Variants in RBFOX1 observed in about 807,000 individuals in gnomAD.
RBFOX1 encodes the protein RNA binding protein fox-1 homolog 1.
In RBFOX1, 8 loss-of-function variants were observed where a neutral mutation model predicts 57.7. The ratio of observed to expected loss-of-function variants is 0.14; its 90% CI spans 0.08 to 0.25. The LOEUF (loss-of-function observed/expected upper bound fraction) is 0.25. RBFOX1 is among the 10% of genes least tolerant of loss of function. RBFOX1 has a pLI of 1.00. For missense variants in RBFOX1, 611 were observed against 548.5 expected, an observed-to-expected ratio of 1.11 and a Z score of -1.14; for synonymous variants, 326 against 222.4, an observed-to-expected ratio of 1.47 and a Z score of -4.15.
intron 3 of RBFOX1, among the ~76,000 whole-genome samples, chr16:6,859,541 T>C (rs2058642218): frequency 6.6e-6 from 1 of 152,042 alleles, no homozygotes; most frequent in Non-Finnish European, 1.5e-5. Context: ...TGAGTGGTTT[T>C]TATGCTGCCT....
At chr16:7,575,928 A>C (rs1467060718) in intron 5 of RBFOX1, among the ~76,000 whole-genome samples, 1 of 151,804 alleles carries the variant, frequency 6.6e-6, no homozygotes, top group African/African-American at 2.4e-5. Context: ...TAGTACCATT[A>C]GTGTCCTTTT....
At chr16:6,510,043 G>A (rs992614772) in intron 2 of RBFOX1, among the ~76,000 whole-genome samples, 1 of 152,130 alleles carries the variant, frequency 6.6e-6, no homozygotes, top group Non-Finnish European at 1.5e-5. Context: ...GATTGAAGCA[G>A]CTTCATATCA....
intron 1 of RBFOX1, among the ~76,000 whole-genome samples, chr16:6,224,853 C>G (rs555521512): frequency 1.9e-4 from 29 of 152,010 alleles, no homozygotes; most frequent in African/African-American, 6.5e-4. Flanking sequence ...AACCCCATCT[C>G]TATTTAATAC....
At chr16:6,223,332 TC>T (rs1477619152) in intron 1 of RBFOX1, among the ~76,000 whole-genome samples, 1 of 149,994 alleles carries the variant, frequency 6.7e-6, no homozygotes, top group Non-Finnish European at 1.5e-5. Context: ...GTAAAAGTGT[TC>T]CTATTTCTCC....
intron 2 of RBFOX1, among the ~76,000 whole-genome samples, chr16:5,543,336 A>G (rs2045045649): frequency 6.6e-6 from 1 of 152,204 alleles, no homozygotes; most frequent in South Asian, 2.1e-4. Context: ...ATGGAAGACA[A>G]AAAAAGACCC....
intron 1 of RBFOX1, among the ~76,000 whole-genome samples, chr16:6,256,887 C>A (rs1479016611): frequency 6.6e-6 from 1 of 152,052 alleles, no homozygotes; most frequent in Non-Finnish European, 1.5e-5. Flanking sequence ...AAACCAGAAG[C>A]AAGAGGACCC....
At chr16:5,279,496 AT>A (rs201125233) in intron 1 of RBFOX1, among the ~76,000 whole-genome samples, 1 of 138,718 alleles carries the variant, frequency 7.2e-6, no homozygotes, top group Non-Finnish European at 1.6e-5. Context: ...TTTTAAAAAA[AT>A]TTTTTTTTAT....
intron 3 of RBFOX1, among the ~76,000 whole-genome samples, chr16:5,797,078 G>C (rs575538123): frequency 6.6e-6 from 1 of 152,304 alleles, no homozygotes; most frequent in African/African-American, 2.4e-5. Flanking sequence ...ATCAAGACTG[G>C]TAGATGGGGA....
chr16:6,364,014 C>T (rs75110114), intron 2 of RBFOX1, among the ~76,000 whole-genome samples: 10,294 of 152,166 alleles, frequency 0.068, 434 homozygotes, highest in Non-Finnish European at 0.088. Context: ...AAGGCTTCTC[C>T]GTGTTTTCAA....
At chr16:6,955,193 A>G (rs2081519260) in intron 3 of RBFOX1, among the ~76,000 whole-genome samples, 1 of 152,146 alleles carries the variant, frequency 6.6e-6, no homozygotes, top group South Asian at 2.1e-4. Context: ...GTGAACTGAG[A>G]TGGCACCACT....
chr16:7,267,957 A>T (rs62014001), intron 4 of RBFOX1, among the ~76,000 whole-genome samples: 22,754 of 152,220 alleles, frequency 0.15, 2,199 homozygotes, highest in Middle Eastern at 0.25. Flanking sequence ...GCTCTGAGAA[A>T]CAAATCGTTA....
At chr16:5,498,688 C>G (rs1190757508) in intron 2 of RBFOX1, among the ~76,000 whole-genome samples, 1 of 152,206 alleles carries the variant, frequency 6.6e-6, no homozygotes, top group Non-Finnish European at 1.5e-5. Context: ...GAGATGGATA[C>G]TCACACATCA....
At chr16:6,897,146 C>G (rs2067136820) in intron 3 of RBFOX1, among the ~76,000 whole-genome samples, 4 of 152,252 alleles carry the variant, frequency 2.6e-5, no homozygotes, top group Admixed American at 2.6e-4. Flanking sequence ...AAATAACTTG[C>G]CCAAGCTGAC....
chr16:5,868,927 C>G (rs1375971446), intron 4 of RBFOX1, among the ~76,000 whole-genome samples: 1 of 152,124 alleles, frequency 6.6e-6, no homozygotes, highest in East Asian at 1.9e-4. Flanking sequence ...CTCTGATGCA[C>G]CATTTATTTA....
intron 2 of RBFOX1, among the ~76,000 whole-genome samples, chr16:5,535,046 G>A (rs2044641503): frequency 6.6e-6 from 1 of 152,162 alleles, no homozygotes. Flanking sequence ...TATCCTCATG[G>A]GGCTTAGATC....
chr16:7,116,907 G>C (rs1047584745), intron 4 of RBFOX1, among the ~76,000 whole-genome samples: 3 of 152,152 alleles, frequency 2.0e-5, no homozygotes, highest in Admixed American at 2.0e-4. Context: ...ATGTGTGCTA[G>C]GGAGAGGAAG....
intron 3 of RBFOX1, among the ~76,000 whole-genome samples, chr16:5,824,723 C>T (rs2055976345): frequency 6.6e-6 from 1 of 152,248 alleles, no homozygotes; most frequent in African/African-American, 2.4e-5. Flanking sequence ...TCCCACGCTG[C>T]AGGCTCAGAC....
chr16:6,145,047 C>G (rs554488138), intron 1 of RBFOX1, among the ~76,000 whole-genome samples: 2 of 151,014 alleles, frequency 1.3e-5, no homozygotes, highest in African/African-American at 4.9e-5. Flanking sequence ...TTTTTTTTAA[C>G]TTTAAAGTTC....
chr16:7,136,426 T>TTTTTTTG (rs2071988885), intron 4 of RBFOX1, among the ~76,000 whole-genome samples: 1 of 122,856 alleles, frequency 8.1e-6, no homozygotes, highest in African/African-American at 2.9e-5. Flanking sequence ...TTTTTTTTTT[T>TTTTTTTG]GACAGGGTCT....
Sources: gnomAD v4.1 joint callset for allele counts (sites outside exome capture counted in the v4.1 genomes callset) on GRCh38, gnomAD v4.1.1 for gene constraint, MANE v1.5 for transcripts, NCBI Gene and HGNC (gene_info 2026-07-23, HGNC 2026-07-21) for gene names.